Variants in DMD observed in about 807,000 individuals in gnomAD.
DMD encodes mutant dystrophin.
Under a neutral mutation model 330.1 loss-of-function variants are expected in DMD, and 63 were observed. The observed-to-expected ratio is 0.19, with a 90% CI of 0.16 to 0.24. The LOEUF (loss-of-function observed/expected upper bound fraction) is 0.24, where lower values mean the gene tolerates loss of function less well. Ranked by LOEUF, DMD falls within the 10% of genes least tolerant of loss-of-function variation. DMD has a pLI of 1.00. For synonymous variants in DMD, 1,223 were observed against 959.8 expected (o/e 1.27, Z -5.07); for missense variants, 3,344 against 2,684.1 (o/e 1.25, Z -5.43).
At chrX:31,731,617 G>A (rs1029362447) in intron 51 of DMD, among the ~76,000 whole-genome samples, 1 of 111,415 alleles carries the variant, frequency 9.0e-6, no homozygotes, top group Non-Finnish European at 1.9e-5. Flanking sequence ...TTCAGCACTA[G>A]GCACTATTCT....
chrX:32,098,172 T>C (rs1177519624), intron 44 of DMD, among the ~76,000 whole-genome samples: 1 of 111,878 alleles, frequency 8.9e-6, no homozygotes, highest in East Asian at 2.8e-4. Flanking sequence ...TGTGTATATA[T>C]GTATATAGTT....
intron 52 of DMD, among the ~76,000 whole-genome samples, chrX:31,718,927 G>C (rs2085265593): frequency 8.9e-6 from 1 of 111,818 alleles, no homozygotes; most frequent in African/African-American, 3.3e-5. Context: ...ATTAACTGTT[G>C]GAGAGATTAA....
At chrX:32,834,862 C>A (rs1389443156) in intron 4 of DMD, among the ~76,000 whole-genome samples, 1 of 111,092 alleles carries the variant, frequency 9.0e-6, no homozygotes, top group African/African-American at 3.3e-5. Context: ...TTGTATGAAT[C>A]TTTATAAAAG....
intron 1 of DMD, among the ~76,000 whole-genome samples, chrX:33,079,400 C>T (rs2094892591): frequency 8.9e-6 from 1 of 111,802 alleles, no homozygotes; most frequent in African/African-American, 3.3e-5. Flanking sequence ...GTTAAAGACA[C>T]AATCGACAAG....
At chrX:32,712,908 C>A (rs971723534) in intron 7 of DMD, among the ~76,000 whole-genome samples, 6 of 111,360 alleles carry the variant, frequency 5.4e-5, no homozygotes, top group African/African-American at 2.0e-4. Context: ...TATTCACATT[C>A]AATCATTATC....
At chrX:31,719,438 C>G (rs2085307875) in intron 52 of DMD, among the ~76,000 whole-genome samples, 1 of 111,943 alleles carries the variant, frequency 8.9e-6, no homozygotes, top group African/African-American at 3.2e-5. Flanking sequence ...TTTGTTAGGC[C>G]TCCAAAATTC....
intron 9 of DMD, among the ~76,000 whole-genome samples, chrX:32,648,886 T>C (rs1175207962): frequency 8.9e-6 from 1 of 111,803 alleles, no homozygotes; most frequent in African/African-American, 3.2e-5. Context: ...AATGAAGAGA[T>C]TTTCTAGGAA....
Position 31,627,844 on chromosome X carries a change from A to G in DMD, c.8046T>C (p.Ala2682=). 8.3e-7 allele frequency: 1 copy of G among 1,209,026 alleles called. No homozygotes were observed. Among genetic ancestry groups the G allele is most frequent in the Non-Finnish European group, 1.1e-6 (1 of 894,201 alleles). The change falls in exon 55 of 79, where the codon GCT becomes GCC. Residue 2682 remains alanine (A), a synonymous_variant. Coordinates refer to ENST00000357033, the MANE Select transcript of DMD (RefSeq NM_004006.3). ...SIHKRVSERE[A]ALEETHRLLQ... ...GTAATCTATGAGTTTCTTCCAAAGCAGCCTCTCGCTCACTCACCCTGCAAA... is the reference window on the plus strand; with the variant it reads ...GTAATCTATGAGTTTCTTCCAAAGCGGCCTCTCGCTCACTCACCCTGCAAA...
chrX:32,627,786 T>C (rs905354386), intron 11 of DMD, among the ~76,000 whole-genome samples: 2 of 111,953 alleles, frequency 1.8e-5, no homozygotes, highest in African/African-American at 6.5e-5. Flanking sequence ...GAGATTGTCA[T>C]TAATAATTTT....
At chrX:33,039,013 A>C (rs1257558417) in intron 1 of DMD, among the ~76,000 whole-genome samples, 3 of 111,601 alleles carry the variant, frequency 2.7e-5, no homozygotes, top group African/African-American at 9.8e-5. Context: ...AAAAAAGAAA[A>C]ATGAAATTTT....
At chrX:33,032,060 C>T (rs891102305) in intron 1 of DMD, among the ~76,000 whole-genome samples, 2 of 111,566 alleles carry the variant, frequency 1.8e-5, no homozygotes, top group Admixed American at 9.6e-5. Flanking sequence ...CTTTTTCTTC[C>T]TCCTTTCCAC....
At chrX:31,405,483 C>CA (rs1393490141) in intron 60 of DMD, among the ~76,000 whole-genome samples, 5 of 111,019 alleles carry the variant, frequency 4.5e-5, no homozygotes, top group Non-Finnish European at 9.5e-5. Flanking sequence ...ATAAACAGTT[C>CA]AAAAATCCCA....
At chrX:32,065,240 T>C (rs2096252227) in intron 44 of DMD, among the ~76,000 whole-genome samples, 1 of 111,747 alleles carries the variant, frequency 8.9e-6, no homozygotes, top group Non-Finnish European at 1.9e-5. Flanking sequence ...AAAAGACTAA[T>C]GCAAGTTCTT....
At chrX:32,335,604 CATT>C (rs201261191) in intron 41 of DMD, among the ~76,000 whole-genome samples, 1,428 of 22,163 alleles carry the variant, frequency 0.064, 11 homozygotes, top group Non-Finnish European at 0.11. Context: ...ATATATAAAA[CATT>C]ATAAAACAAA....
chrX:31,415,754 G>T (rs773223059), intron 60 of DMD, among the ~76,000 whole-genome samples: 2 of 110,831 alleles, frequency 1.8e-5, no homozygotes, highest in African/African-American at 6.6e-5. Flanking sequence ...TATTACAAGG[G>T]TTTGCAAACT....
At chrX:33,052,949 T>A in intron 1 of DMD, among the ~76,000 whole-genome samples, 1 of 112,028 alleles carries the variant, frequency 8.9e-6, no homozygotes, top group Non-Finnish European at 1.9e-5. Flanking sequence ...ACCTACTATG[T>A]ACCCACAAAA....
At chrX:32,394,464 G>A (rs1012823152) in intron 30 of DMD, among the ~76,000 whole-genome samples, 1 of 112,174 alleles carries the variant, frequency 8.9e-6, no homozygotes, top group African/African-American at 3.2e-5. Context: ...TCTTATCTGA[G>A]AAATTCTCAT....
chrX:31,350,062 T>G (rs1394024002), intron 60 of DMD, among the ~76,000 whole-genome samples: 1 of 111,081 alleles, frequency 9.0e-6, no homozygotes, highest in African/African-American at 3.3e-5. Context: ...GGGGTTCCCC[T>G]ACAATGCAGG....
chrX:31,753,533 A>AT (rs2088784009), intron 51 of DMD, among the ~76,000 whole-genome samples: 1 of 111,843 alleles, frequency 8.9e-6, no homozygotes, highest in African/African-American at 3.2e-5. Flanking sequence ...TTATATCTAG[A>AT]TTTTTTAAAT....
Sources: gnomAD v4.1 joint callset for allele counts (sites outside exome capture counted in the v4.1 genomes callset) on GRCh38, gnomAD v4.1.1 for gene constraint, MANE v1.5 for transcripts, NCBI Gene and HGNC (gene_info 2026-07-23, HGNC 2026-07-21) for gene names.